Variants in PPARGC1A observed in about 807,000 individuals in gnomAD.
PPARGC1A encodes the protein PPARG coactivator 1 alpha.
A neutral mutation model predicts 88.7 loss-of-function variants in PPARGC1A; 25 were observed. The ratio of observed to expected loss-of-function variants is 0.28; its 90% CI spans 0.21 to 0.39. PPARGC1A has a LOEUF of 0.39. Ranked by LOEUF, PPARGC1A falls within the 10% of genes least tolerant of loss-of-function variation. The pLI, the probability that PPARGC1A is intolerant of heterozygous loss-of-function variation, is 1.00. For synonymous variants in PPARGC1A, 363 were observed against 355.6 expected (o/e 1.02, Z -0.24); for missense variants, 880 against 968.7 (o/e 0.91, Z 1.22).
At chr4:24,369,435 GA>G in the PPARGC1A span, among the ~76,000 whole-genome samples, 1 of 152,040 alleles carries the variant, frequency 6.6e-6, no homozygotes, top group Non-Finnish European at 1.5e-5. Context: ...ATTTGAATTA[GA>G]ATAATAACAA....
At chr4:24,318,860 C>A in the PPARGC1A span, among the ~76,000 whole-genome samples, 1 of 152,110 alleles carries the variant, frequency 6.6e-6, no homozygotes, top group Admixed American at 6.5e-5. Flanking sequence ...ACTGGCTGTG[C>A]CAAATTAATG....
chr4:23,965,759 C>T, the PPARGC1A span, among the ~76,000 whole-genome samples: 3 of 152,294 alleles, frequency 2.0e-5, no homozygotes, highest in African/African-American at 7.2e-5. Flanking sequence ...TCCCAACCCA[C>T]TCCTTTAACT....
the PPARGC1A span, among the ~76,000 whole-genome samples, chr4:24,167,919 AC>A: frequency 6.6e-6 from 1 of 151,946 alleles, no homozygotes; most frequent in Middle Eastern, 3.2e-3. Flanking sequence ...ATGCCTGGCT[AC>A]TTTTTTTATA....
At chr4:24,041,665 ATC>A in the PPARGC1A span, among the ~76,000 whole-genome samples, 1 of 152,304 alleles carries the variant, frequency 6.6e-6, no homozygotes, top group Admixed American at 6.5e-5. Flanking sequence ...GTATATAGAG[ATC>A]ATTCTCTGCA....
rs572935069 is a variant in PPARGC1A at position 23,794,925 on chromosome 4, C to A, written c.*897G>T. 1.3e-5 allele frequency: 2 copies of A among 152,352 alleles called. No homozygotes were observed. The highest frequency in any genetic ancestry group is 2.4e-5 in the African/African-American group (1 of 41,414). 9.4% of individuals were successfully genotyped at this position (152,352 alleles called of 1,614,324 possible). The stretch of plus-strand genomic sequence containing the variant: ...TGCAGTGGAAGATCAACATTTTGGA[C>A]ATTTACATGGGTGTCAGGATTAAGG... On this transcript the variant is annotated 3_prime_UTR_variant, in exon 13 of 13. Transcript: ENST00000264867.
At chr4:24,170,540 G>T in the PPARGC1A span, among the ~76,000 whole-genome samples, 1 of 152,190 alleles carries the variant, frequency 6.6e-6, no homozygotes, top group African/African-American at 2.4e-5. Flanking sequence ...GAAATGAAAG[G>T]TTGTGCTGAG....
At chr4:24,442,530 T>G in the PPARGC1A span, among the ~76,000 whole-genome samples, 5 of 152,184 alleles carry the variant, frequency 3.3e-5, no homozygotes, top group South Asian at 1.0e-3. Context: ...AAATAACAGT[T>G]TTAATATGTA....
chr4:24,168,670 G>A, the PPARGC1A span, among the ~76,000 whole-genome samples: 1 of 145,000 alleles, frequency 6.9e-6, no homozygotes, highest in African/African-American at 2.7e-5. Context: ...CACACACAAT[G>A]ATAAGAGTAT....
chr4:24,165,837 A>G, the PPARGC1A span, among the ~76,000 whole-genome samples: 1 of 152,112 alleles, frequency 6.6e-6, no homozygotes, highest in Non-Finnish European at 1.5e-5. Flanking sequence ...AGGCCTCCCT[A>G]TTCCCTGAGA....
At chr4:24,303,727 T>A in the PPARGC1A span, among the ~76,000 whole-genome samples, 2 of 152,174 alleles carry the variant, frequency 1.3e-5, no homozygotes, top group South Asian at 2.1e-4. Flanking sequence ...TTTTTCCATA[T>A]GAATGTTTTG....
Position 23,813,893 on chromosome 4 carries a change from G to A in PPARGC1A, c.1590C>T (p.Ser530=). The A allele has an allele frequency of 2.5e-6, 4 of 1,613,948 alleles. No homozygotes were observed. The highest frequency in any genetic ancestry group is 3.4e-6 in the Non-Finnish European group (4 of 1,179,874). The change falls in exon 8 of 13, where the codon TCC becomes TCT. Residue 530 remains serine (S), a synonymous_variant. Coordinates refer to ENST00000264867, the MANE Select transcript of PPARGC1A (RefSeq NM_013261.5). ...KLSYPWDGTQ[S]YSLFNVSPSC... ...AAGGAGACACATTGAACAATGAATA[G>A]GATTGCGTGCCATCCCAAGGGTAGC...
the PPARGC1A span, among the ~76,000 whole-genome samples, chr4:24,049,527 G>C: frequency 1.3e-5 from 2 of 151,874 alleles, no homozygotes; most frequent in Non-Finnish European, 1.5e-5. Context: ...AAAGGGCATG[G>C]AAATTGTCCA....
the PPARGC1A span, among the ~76,000 whole-genome samples, chr4:24,094,323 T>A: frequency 6.6e-6 from 1 of 152,178 alleles, no homozygotes; most frequent in Admixed American, 6.5e-5. Context: ...AAATTAAATT[T>A]AAAAAATCTA....
At chr4:23,840,942 A>G (rs1454995128) in intron 2 of PPARGC1A, among the ~76,000 whole-genome samples, 1 of 152,172 alleles carries the variant, frequency 6.6e-6, no homozygotes, top group Non-Finnish European at 1.5e-5. Context: ...CAAGCAAGTG[A>G]TATATTCTTA....
chr4:23,813,544 A>G, intron 8 of PPARGC1A, 146 bp downstream of exon 8: 1 of 714,034 alleles, frequency 1.4e-6, no homozygotes, highest in Non-Finnish European at 2.3e-6. Flanking sequence ...TGAGTGTAAC[A>G]ATGTTCTCGT....
At chr4:24,341,699 C>G in the PPARGC1A span, among the ~76,000 whole-genome samples, 3 of 152,180 alleles carry the variant, frequency 2.0e-5, no homozygotes, top group Non-Finnish European at 4.4e-5. Context: ...AGAAAGAACA[C>G]TCTAGGCAGA....
chr4:24,391,920 G>A, the PPARGC1A span, among the ~76,000 whole-genome samples: 5 of 152,074 alleles, frequency 3.3e-5, no homozygotes, highest in African/African-American at 1.2e-4. Context: ...TTCTTTTAAA[G>A]ATCAGCCAAC....
the PPARGC1A span, among the ~76,000 whole-genome samples, chr4:24,213,327 CG>C: frequency 1.3e-5 from 2 of 151,946 alleles, no homozygotes; most frequent in Non-Finnish European, 1.5e-5. Flanking sequence ...CCACCCGGCC[CG>C]GCTAATTTTT....
the PPARGC1A span, among the ~76,000 whole-genome samples, chr4:24,250,141 G>A: frequency 2.0e-5 from 3 of 152,146 alleles, no homozygotes; most frequent in East Asian, 3.9e-4. Context: ...GTGTAACATG[G>A]GCAGAACACT....
Sources: gnomAD v4.1 joint callset for allele counts (sites outside exome capture counted in the v4.1 genomes callset) on GRCh38, gnomAD v4.1.1 for gene constraint, MANE v1.5 for transcripts, NCBI Gene and HGNC (gene_info 2026-07-23, HGNC 2026-07-21) for gene names.